Variants in MFHAS1 observed in about 807,000 individuals in gnomAD.
The protein encoded by MFHAS1 is malignant fibrous histiocytoma-amplified sequence 1.
In MFHAS1, 50 loss-of-function variants were observed where a neutral mutation model predicts 70.4. The ratio of observed to expected loss-of-function variants is 0.71; its 90% CI spans 0.57 to 0.90. The LOEUF is 0.90. MFHAS1 is among the 40% of genes least tolerant of loss of function. The pLI is 0.00. For synonymous variants in MFHAS1, 952 were observed against 620.0 expected, an observed-to-expected ratio of 1.54 and a Z score of -7.96; for missense variants, 1,795 against 1,347.6, an observed-to-expected ratio of 1.33 and a Z score of -5.20.
chr8:8,865,787 T>A (rs538165850), intron 1 of MFHAS1, among the ~76,000 whole-genome samples: 1 of 152,356 alleles, frequency 6.6e-6, no homozygotes, highest in South Asian at 2.1e-4. Context: ...TAACACTTAG[T>A]GTCTTAGAAG....
chr8:8,794,284 G>A (rs185050749), intron 2 of MFHAS1, among the ~76,000 whole-genome samples: 1 of 152,246 alleles, frequency 6.6e-6, no homozygotes, highest in East Asian at 1.9e-4. Context: ...GACTTCCAAT[G>A]TCTAGTGCCT....
At chr8:8,828,875 G>C (rs1051519421) in intron 1 of MFHAS1, among the ~76,000 whole-genome samples, 1 of 152,160 alleles carries the variant, frequency 6.6e-6, no homozygotes, top group African/African-American at 2.4e-5. Context: ...TAGTGGCCGA[G>C]CTCTTATCCC....
chr8:8,880,985 A>T (rs992262847), intron 1 of MFHAS1, among the ~76,000 whole-genome samples: 1 of 152,030 alleles, frequency 6.6e-6, no homozygotes, highest in Non-Finnish European at 1.5e-5. Context: ...CGCCTGACCC[A>T]TACCTTCCTA....
intron 1 of MFHAS1, among the ~76,000 whole-genome samples, chr8:8,839,812 C>G (rs1807735784): frequency 6.6e-6 from 1 of 152,140 alleles, no homozygotes; most frequent in Non-Finnish European, 1.5e-5. Context: ...CCACCTGTTT[C>G]TAAGAAACAA....
At chr8:8,832,425 TCACA>T (rs35913215) in intron 1 of MFHAS1, among the ~76,000 whole-genome samples, 98 of 143,706 alleles carry the variant, frequency 6.8e-4, no homozygotes, top group Middle Eastern at 3.5e-3. Context: ...ACAAGATACT[TCACA>T]CACACACACA....
At chr8:8,841,382 G>A (rs529971986) in intron 1 of MFHAS1, among the ~76,000 whole-genome samples, 12 of 152,224 alleles carry the variant, frequency 7.9e-5, no homozygotes, top group Non-Finnish European at 1.6e-4. Context: ...GGCTGAGGCA[G>A]GAGAATCGCT....
rs73504241 is a variant in MFHAS1 at position 8,844,804 on chromosome 8, C to G, written c.2998+45257G>C. 8.5e-4 allele frequency among the ~76,000 whole-genome samples: 129 copies of G among 152,314 alleles called. 1 individual carries two copies. The highest frequency in any genetic ancestry group is 2.9e-3 in the African/African-American group (122 of 41,570). On this transcript the variant is annotated intron_variant, in intron 1 of 2. Coordinates refer to ENST00000276282, the MANE Select transcript of MFHAS1 (RefSeq NM_004225.3). ...AGAGGAGGGGTGTTACCTGGCACTA[C>G]TACTACATCAAAACAGTGTCTGGCA... is the stretch of plus-strand genomic sequence containing the variant.
At chr8:8,873,282 G>A (rs117024610) in intron 1 of MFHAS1, among the ~76,000 whole-genome samples, 3,885 of 152,216 alleles carry the variant, frequency 0.026, 86 homozygotes, top group Middle Eastern at 0.041. Context: ...GACCAGCTCT[G>A]TTCGGCCATA....
chr8:8,884,479 A>C (rs1406161117), intron 1 of MFHAS1, among the ~76,000 whole-genome samples: 1 of 152,238 alleles, frequency 6.6e-6, no homozygotes, highest in Admixed American at 6.5e-5. Context: ...AGATATAATA[A>C]GGCAAGAATT....
chr8:8,847,424 C>T (rs921059946), intron 1 of MFHAS1, among the ~76,000 whole-genome samples: 2 of 152,296 alleles, frequency 1.3e-5, no homozygotes, highest in African/African-American at 4.8e-5. Flanking sequence ...TCAGGTGATG[C>T]ACCTGCCTTG....
chr8:8,857,341 G>A (rs1808482345), intron 1 of MFHAS1, among the ~76,000 whole-genome samples: 1 of 152,152 alleles, frequency 6.6e-6, no homozygotes, highest in South Asian at 2.1e-4. Flanking sequence ...ATTCCATAAT[G>A]AGATATCTTC....
Position 8,866,448 on chromosome 8 carries a change from G to A in MFHAS1, c.2998+23613C>T, listed in dbSNP as rs924472939. 2.6e-5 allele frequency among the ~76,000 whole-genome samples: 4 copies of A among 151,372 alleles called. No individual in the cohort carries two copies. The East Asian group carries it at 7.8e-4, about 29-fold the overall frequency. On this transcript the variant is annotated intron_variant, in intron 1 of 2. Coordinates refer to ENST00000276282, the MANE Select transcript of MFHAS1 (RefSeq NM_004225.3). ...ATCCTCCCACCTCAGCCTCCCCAAC[G>A]GCTGCAACTACAGGCATGCACCACC... is the stretch of plus-strand genomic sequence containing the variant.
rs374652671 is a variant in MFHAS1, at chr8:8,815,116, G to A, written c.2999-17625C>T. Among the ~76,000 whole-genome samples the A allele has an allele frequency of 1.2e-4, 18 of 152,234 alleles. No individual in the cohort carries two copies. The East Asian group carries it at 3.1e-3, about 26-fold the overall frequency. On this transcript the variant is annotated intron_variant, in intron 1 of 2. Coordinates refer to ENST00000276282, the MANE Select transcript of MFHAS1 (RefSeq NM_004225.3). Reference sequence around the variant, plus strand: ...CCACTTATGAGTGACAACATGCGGTGTTTGGTTTTCTGTTCCTGTGTTAGT... The same window carrying A: ...CCACTTATGAGTGACAACATGCGGTATTTGGTTTTCTGTTCCTGTGTTAGT...
intron 1 of MFHAS1, among the ~76,000 whole-genome samples, chr8:8,833,901 G>A (rs914153544): frequency 2.0e-5 from 3 of 152,072 alleles, no homozygotes; most frequent in Admixed American, 6.5e-5. Flanking sequence ...TGAGGTGGGC[G>A]GATCACCTGA....
At chr8:8,842,653 G>C (rs759701730) in intron 1 of MFHAS1, among the ~76,000 whole-genome samples, 1 of 152,186 alleles carries the variant, frequency 6.6e-6, no homozygotes. Context: ...GAGCTGGTAA[G>C]GAAAGGAGAA....
chr8:8,876,609 C>G (rs551670162), intron 1 of MFHAS1, among the ~76,000 whole-genome samples: 222 of 151,998 alleles, frequency 1.5e-3, no homozygotes, highest in African/African-American at 5.2e-3. Flanking sequence ...GTGGTGTATG[C>G]ATCGTGATCC....
intron 1 of MFHAS1, among the ~76,000 whole-genome samples, chr8:8,848,939 C>A (rs536025779): frequency 1.6e-4 from 24 of 151,934 alleles, no homozygotes; most frequent in African/African-American, 5.8e-4. Context: ...CTTCTGAATT[C>A]AAAACACTAT....
At chr8:8,840,744 C>T (rs899413652) in intron 1 of MFHAS1, among the ~76,000 whole-genome samples, 3 of 152,204 alleles carry the variant, frequency 2.0e-5, no homozygotes, top group African/African-American at 7.2e-5. Flanking sequence ...CTAAATCTCA[C>T]ACCTCACTAC....
intron 2 of MFHAS1, among the ~76,000 whole-genome samples, chr8:8,789,977 T>C (rs925092625): frequency 2.6e-5 from 4 of 152,098 alleles, no homozygotes; most frequent in African/African-American, 9.7e-5. Flanking sequence ...CTTTCCCTAC[T>C]TGTGACCATC....
Sources: gnomAD v4.1 joint callset for allele counts (sites outside exome capture counted in the v4.1 genomes callset) on GRCh38, gnomAD v4.1.1 for gene constraint, MANE v1.5 for transcripts, NCBI Gene and HGNC (gene_info 2026-07-23, HGNC 2026-07-21) for gene names.